The following SLC2A13 variants were observed in gnomAD, a reference collection of about 807,000 sequenced individuals.
SLC2A13 encodes the protein proton myo-inositol cotransporter.
A neutral mutation model predicts 64.4 loss-of-function variants in SLC2A13; 32 were observed. That is an observed-to-expected ratio of 0.50 (90% CI 0.37 to 0.67). The LOEUF is 0.67. Ranked by LOEUF, SLC2A13 falls within the 30% of genes least tolerant of loss-of-function variation. SLC2A13 has a pLI of 0.00. For synonymous variants in SLC2A13, 338 were observed against 327.1 expected (o/e 1.03, Z -0.36); for missense variants, 743 against 829.2 (o/e 0.90, Z 1.28).
intron 7 of SLC2A13, among the ~76,000 whole-genome samples, chr12:39,770,472 G>C (rs1026035358): frequency 6.6e-6 from 1 of 152,122 alleles, no homozygotes; most frequent in Non-Finnish European, 1.5e-5. Flanking sequence ...TTATGCATCA[G>C]ACATTAGCAA....
chr12:39,773,501 G>A (rs1007035721), intron 7 of SLC2A13, among the ~76,000 whole-genome samples: 7 of 152,138 alleles, frequency 4.6e-5, no homozygotes, highest in East Asian at 3.8e-4. Context: ...TAGTTCATAC[G>A]TAGATCTATT....
At chr12:39,874,108 C>G (rs547030578) in intron 4 of SLC2A13, among the ~76,000 whole-genome samples, 1 of 152,240 alleles carries the variant, frequency 6.6e-6, no homozygotes, top group Non-Finnish European at 1.5e-5. Context: ...GCACAAAGGA[C>G]AGAGCAAATA....
intron 3 of SLC2A13, among the ~76,000 whole-genome samples, chr12:40,019,830 G>A (rs766234146): frequency 1.3e-5 from 2 of 152,226 alleles, no homozygotes; most frequent in Non-Finnish European, 2.9e-5. Context: ...ACTGAAAAAC[G>A]TGAGACACTT....
intron 5 of SLC2A13, among the ~76,000 whole-genome samples, chr12:39,867,650 G>A (rs1177557288): frequency 6.6e-6 from 1 of 152,070 alleles, no homozygotes; most frequent in Non-Finnish European, 1.5e-5. Flanking sequence ...TTCCTAAATA[G>A]GTAAAAGTTA....
chr12:39,797,673 G>A (rs1941620595), intron 7 of SLC2A13, among the ~76,000 whole-genome samples: 1 of 151,360 alleles, frequency 6.6e-6, no homozygotes, highest in Non-Finnish European at 1.5e-5. Flanking sequence ...ATGCAAGTGT[G>A]CTTTCAAATA....
At chr12:39,839,040 T>C (rs1943106491) in intron 6 of SLC2A13, among the ~76,000 whole-genome samples, 1 of 152,098 alleles carries the variant, frequency 6.6e-6, no homozygotes. Context: ...ACTCCTTCTT[T>C]ATGCATGAAT....
intron 1 of SLC2A13, among the ~76,000 whole-genome samples, chr12:40,051,975 T>C (rs908721633): frequency 6.6e-6 from 1 of 152,156 alleles, no homozygotes; most frequent in Non-Finnish European, 1.5e-5. Flanking sequence ...GGTGATGGAC[T>C]GAAATGAAGA....
chr12:39,896,385 T>TAC (rs1491483915), intron 4 of SLC2A13, among the ~76,000 whole-genome samples: 48 of 123,090 alleles, frequency 3.9e-4, no homozygotes, highest in African/African-American at 1.7e-3. Context: ...TATATGTATG[T>TAC]ATATGTGTAT....
intron 3 of SLC2A13, among the ~76,000 whole-genome samples, chr12:40,023,622 A>C (rs947635128): frequency 6.6e-6 from 1 of 152,262 alleles, no homozygotes; most frequent in Admixed American, 6.5e-5. Flanking sequence ...ACAATTTTTA[A>C]CTTTCAGGAA....
At chr12:39,953,351 T>A (rs1946264872) in intron 3 of SLC2A13, among the ~76,000 whole-genome samples, 1 of 152,204 alleles carries the variant, frequency 6.6e-6, no homozygotes, top group Non-Finnish European at 1.5e-5. Context: ...ACTGCATTTT[T>A]TAATGGATAA....
chr12:39,972,788 C>T (rs539857523), intron 3 of SLC2A13, among the ~76,000 whole-genome samples: 1 of 152,206 alleles, frequency 6.6e-6, no homozygotes, highest in Non-Finnish European at 1.5e-5. Context: ...CTACACCAGG[C>T]TGGGCATAGT....
intron 2 of SLC2A13, 64 bp from the exon 3 acceptor site, chr12:40,028,573 T>C: frequency 6.6e-7 from 1 of 1,505,066 alleles, no homozygotes; most frequent in Non-Finnish European, 9.1e-7. Context: ...GCTCACCACA[T>C]ACTTTTGTGT....
intron 7 of SLC2A13, among the ~76,000 whole-genome samples, chr12:39,810,790 G>A (rs1592159618): frequency 2.0e-5 from 3 of 152,120 alleles, no homozygotes; most frequent in East Asian, 3.9e-4. Flanking sequence ...GAATACAGAT[G>A]TTAAATCAAC....
intron 3 of SLC2A13, among the ~76,000 whole-genome samples, chr12:40,026,913 C>A (rs1378441423): frequency 6.6e-6 from 1 of 152,092 alleles, no homozygotes; most frequent in African/African-American, 2.4e-5. Context: ...AACCCCATCT[C>A]TACAAAAAAT....
intron 7 of SLC2A13, among the ~76,000 whole-genome samples, chr12:39,828,712 GTT>G (rs58188254): frequency 0.68 from 101,176 of 149,754 alleles, 34,557 homozygotes; most frequent in African/African-American, 0.79. Context: ...TAGTAACTTA[GTT>G]TTTTTTTTTT....
intron 4 of SLC2A13, among the ~76,000 whole-genome samples, chr12:39,925,030 A>ATTTTTTTTTT (rs58902176): frequency 1.7e-5 from 2 of 119,130 alleles, no homozygotes; most frequent in Non-Finnish European, 3.4e-5. Context: ...CATACAGATA[A>ATTTTTTTTTT]TTTTTTTTTT....
At chr12:39,985,888 A>G (rs1469583906) in intron 3 of SLC2A13, among the ~76,000 whole-genome samples, 1 of 152,088 alleles carries the variant, frequency 6.6e-6, no homozygotes, top group Non-Finnish European at 1.5e-5. Context: ...GTCTTAGTCC[A>G]TTTCAGCTGC....
intron 2 of SLC2A13, among the ~76,000 whole-genome samples, chr12:40,040,939 T>C (rs1948075900): frequency 6.6e-6 from 1 of 151,378 alleles, no homozygotes. Context: ...CTTATTGACA[T>C]GGATTTTAAA....
At chr12:39,883,615 C>G (rs1431753977) in intron 4 of SLC2A13, among the ~76,000 whole-genome samples, 2 of 152,234 alleles carry the variant, frequency 1.3e-5, no homozygotes, top group Admixed American at 1.3e-4. Context: ...AAACACTGCT[C>G]TTGGCACTGA....
Sources: gnomAD v4.1 joint callset for allele counts (sites outside exome capture counted in the v4.1 genomes callset) on GRCh38, gnomAD v4.1.1 for gene constraint, MANE v1.5 for transcripts, NCBI Gene and HGNC (gene_info 2026-07-23, HGNC 2026-07-21) for gene names.